Variants in NFAT5 observed in about 807,000 individuals in gnomAD.
NFAT5 encodes the protein nuclear factor of activated T cells 5.
NFAT5 carries 31 observed loss-of-function variants against 166.5 expected under a neutral mutation model. The observed-to-expected ratio is 0.19, with a 90% CI of 0.14 to 0.25. The LOEUF (loss-of-function observed/expected upper bound fraction) is 0.25. NFAT5 is among the 10% of genes least tolerant of loss of function. NFAT5 has a pLI of 1.00. For synonymous variants in NFAT5, 612 were observed against 639.7 expected (o/e 0.96, Z 0.65); for missense variants, 1,449 against 1,821.8 (o/e 0.80, Z 3.72).
intron 7 of NFAT5, among the ~76,000 whole-genome samples, chr16:69,667,487 C>T (rs1222876716): frequency 2.3e-5 from 3 of 132,294 alleles, no homozygotes; most frequent in East Asian, 4.5e-4. Context: ...GTCATTTTTG[C>T]AGAAACTAAA....
rs2037883304 is a variant in NFAT5, at chr16:69,700,693, T to C, written c.*4342T>C. ...ATCCCTAACCGAGACAGCTGTCTTA[T>C]ATCTGCATGCCTTAGACTGTGTGGA... On this transcript the variant is annotated 3_prime_UTR_variant, in exon 15 of 15. Coordinates refer to ENST00000349945, the MANE Select transcript of NFAT5 (RefSeq NM_138713.4). 6.6e-6 allele frequency: 1 copy of C among 152,196 alleles called. No individual in the cohort carries two copies. Among genetic ancestry groups the C allele is most frequent in the East Asian group, 1.9e-4 (1 of 5,198 alleles). 9.4% of individuals were successfully genotyped at this position (152,196 alleles called of 1,614,324 possible).
intron 10 of NFAT5, among the ~76,000 whole-genome samples, chr16:69,681,917 GAAAA>G (rs763455010): frequency 2.0e-5 from 2 of 102,274 alleles, no homozygotes; most frequent in Admixed American, 1.1e-4. Flanking sequence ...GACTCCATCT[GAAAA>G]AAAAAAAAAA....
chr16:69,661,990 A>T (rs896835611), intron 7 of NFAT5, among the ~76,000 whole-genome samples: 13 of 152,316 alleles, frequency 8.5e-5, no homozygotes, highest in African/African-American at 2.9e-4. Context: ...TGGGAGGCCA[A>T]GGCAGGGGGA....
intron 2 of NFAT5, among the ~76,000 whole-genome samples, chr16:69,620,975 A>G (rs954036798): frequency 9.9e-5 from 15 of 152,212 alleles, no homozygotes; most frequent in African/African-American, 3.4e-4. Flanking sequence ...GAAGTCATCT[A>G]TTTTATTAAG....
At chr16:69,610,156 T>C (rs981913029) in intron 2 of NFAT5, among the ~76,000 whole-genome samples, 94 of 152,178 alleles carry the variant, frequency 6.2e-4, no homozygotes, top group Non-Finnish European at 2.1e-4. Flanking sequence ...CCCTGAGATA[T>C]GAAAAGTGAT....
rs1292903944 is a variant in NFAT5, at chr16:69,630,187, T to C, written c.253+3659T>C. ...CCTGACCTCAGGTGATGGACCTGGC[T>C]GATTTTTGTGTTTTTTGTAGAGACA... On this transcript the variant is annotated intron_variant, in intron 3 of 14. Transcript: ENST00000349945. 2.0e-5 allele frequency among the ~76,000 whole-genome samples: 3 copies of C among 151,998 alleles called. No individual in the cohort carries two copies. In the East Asian group the frequency reaches 5.8e-4, roughly 29 times the overall value.
rs771486705 is a variant in NFAT5, at chr16:69,655,738, G to T, written c.1135G>T (p.Asp379Tyr). ...AAATACAACTCCTTGCAAAGAAGTG[G>T]ACATTGAAGGCACTACTGTTATAGA... is the stretch of plus-strand genomic sequence containing the variant. ...GRNTTPCKEV[D>Y]IEGTTVIEVG... The change falls in exon 6 of 15, where the codon GAC becomes TAC. Residue 379 changes from aspartate to tyrosine, a missense_variant. Asp to Tyr is a radical substitution (Grantham distance 160). Coordinates refer to ENST00000349945, the MANE Select transcript of NFAT5 (RefSeq NM_138713.4). 6.2e-7 allele frequency: 1 copy of T among 1,613,908 alleles called. No individual in the cohort carries two copies. The highest frequency in any genetic ancestry group is 1.1e-5 in the South Asian group (1 of 91,064).
At chr16:69,668,541 A>C (rs77761052) in intron 7 of NFAT5, among the ~76,000 whole-genome samples, 6,602 of 152,300 alleles carry the variant, frequency 0.043, 488 homozygotes, top group African/African-American at 0.15. Context: ...CTTGAAGGTA[A>C]TTTTACATAA....
intron 3 of NFAT5, chr16:69,644,814 A>G: frequency 2.2e-6 from 1 of 455,144 alleles, no homozygotes; most frequent in Non-Finnish European, 4.4e-6. Context: ...TGAGATGTTC[A>G]TACTCTGCAT....
chr16:69,574,998 G>T (rs895102228), intron 2 of NFAT5, among the ~76,000 whole-genome samples: 24 of 151,970 alleles, frequency 1.6e-4, no homozygotes, highest in Non-Finnish European at 3.4e-4. Flanking sequence ...TAACATTTAT[G>T]TGGTAAATAG....
chr16:69,694,196 A>C lies in NFAT5; in HGVS notation c.4371A>C (p.Ser1457=), dbSNP rs775564054. 5.6e-6 allele frequency: 9 copies of C among 1,613,966 alleles called. No individual in the cohort carries two copies. The Admixed American group carries it at 1.5e-4, about 27-fold the overall frequency. Residue 1457 remains serine (S), a synonymous_variant, in exon 13 of 15, where the codon TCA becomes TCC. Coordinates refer to ENST00000349945, the MANE Select transcript of NFAT5 (RefSeq NM_138713.4). ...TMNQLQNSPG[S]SQQTSGMFLF... ...ACCAACTGCAGAATTCTCCTGGCTC[A>C]TCTCAGCAGACATCAGGAATGTTCT... is the stretch of plus-strand genomic sequence containing the variant.
chr16:69,604,332 T>G (rs1315209522), intron 2 of NFAT5, among the ~76,000 whole-genome samples: 1 of 152,222 alleles, frequency 6.6e-6, no homozygotes, highest in East Asian at 1.9e-4. Context: ...AATTGAATTT[T>G]CTTTTATAAT....
chr16:69,658,600 G>A (rs951316175), intron 6 of NFAT5, among the ~76,000 whole-genome samples: 1 of 152,080 alleles, frequency 6.6e-6, no homozygotes, highest in African/African-American at 2.4e-5. Flanking sequence ...AGGCTGAGGT[G>A]GACAGATCTC....
chr16:69,585,549 T>G (rs1388690861), intron 2 of NFAT5, among the ~76,000 whole-genome samples: 1 of 152,040 alleles, frequency 6.6e-6, no homozygotes, highest in Non-Finnish European at 1.5e-5. Context: ...TTATTTACAA[T>G]AGCCAAAAGA....
At chr16:69,568,391 TATAC>T (rs1481120477) in intron 1 of NFAT5, 100 bp from the exon 2 acceptor site, 25 of 513,338 alleles carry the variant, frequency 4.9e-5, no homozygotes, top group African/African-American at 3.6e-4. Flanking sequence ...TATATATATA[TATAC>T]ACACACACAC....
At chr16:69,663,377 T>A (rs1454125301) in intron 7 of NFAT5, among the ~76,000 whole-genome samples, 2 of 151,896 alleles carry the variant, frequency 1.3e-5, no homozygotes, top group Non-Finnish European at 2.9e-5. Flanking sequence ...ACAATATAGG[T>A]GTATATGTTT....
At chr16:69,585,671 C>T (rs1006119868) in intron 2 of NFAT5, among the ~76,000 whole-genome samples, 6 of 152,188 alleles carry the variant, frequency 3.9e-5, no homozygotes, top group Non-Finnish European at 5.9e-5. Flanking sequence ...AGTTCTGTTA[C>T]ATGCCACAGT....
At chr16:69,680,994 A>G (rs1567602515) in intron 10 of NFAT5, among the ~76,000 whole-genome samples, 2 of 152,114 alleles carry the variant, frequency 1.3e-5, no homozygotes, top group African/African-American at 2.4e-5. Flanking sequence ...TCCTGACCTC[A>G]AGTGATCCGC....
chr16:69,583,142 A>T (rs1410365260), intron 2 of NFAT5, among the ~76,000 whole-genome samples: 1 of 151,726 alleles, frequency 6.6e-6, no homozygotes, highest in African/African-American at 2.4e-5. Context: ...GTTTGTCAAA[A>T]TTTAGGAAAG....
Sources: gnomAD v4.1 joint callset for allele counts (sites outside exome capture counted in the v4.1 genomes callset) on GRCh38, gnomAD v4.1.1 for gene constraint, MANE v1.5 for transcripts, NCBI Gene and HGNC (gene_info 2026-07-23, HGNC 2026-07-21) for gene names.